HERC2: variants seen among roughly 807,000 people sequenced by gnomAD.
HERC2 encodes E3 ubiquitin-protein ligase HERC2.
HERC2 carries 102 observed loss-of-function variants against 537.7 expected under a neutral mutation model. The observed-to-expected ratio is 0.19, with a 90% CI of 0.16 to 0.22. HERC2 has a LOEUF of 0.22. HERC2 is among the 10% of genes least tolerant of loss of function. The pLI is 1.00. For missense variants in HERC2, 4,236 were observed against 6,198.2 expected, an observed-to-expected ratio of 0.68 and a Z score of 10.63; for synonymous variants, 2,224 against 2,466.2, an observed-to-expected ratio of 0.90 and a Z score of 2.91.
chr15:28,141,886 T>C (rs1223557609), intron 76 of HERC2, 40 bp from the exon 77 acceptor site: 2 of 1,424,604 alleles, frequency 1.4e-6, no homozygotes, highest in Admixed American at 1.7e-5. Flanking sequence ...CAAACACTTA[T>C]CTCAAACAAA....
chr15:28,194,763 T>C (rs1897192541), intron 52 of HERC2, among the ~76,000 whole-genome samples: 1 of 152,162 alleles, frequency 6.6e-6, no homozygotes, highest in African/African-American at 2.4e-5. Context: ...ATATAAAATG[T>C]ATAAAATTTT....
At position 28,113,292 on chromosome 15, in the gene HERC2, G is replaced by A. The variant is rs1469565688; in HGVS notation, c.14020-9C>T. 4 of 1,613,648 alleles carry A rather than the reference G, an allele frequency of 2.5e-6. No homozygotes were observed. The highest frequency in any genetic ancestry group is 3.4e-6 in the Non-Finnish European group (4 of 1,179,668). On this transcript the variant is annotated splice_polypyrimidine_tract_variant and intron_variant, in intron 91 of 92. Coordinates refer to ENST00000261609, the MANE Select transcript of HERC2 (RefSeq NM_004667.6). This position sits in a 1 kb window ranked among gnomAD's most constrained non-coding sequence, Gnocchi z 7.0. ...TCAGGGCTGCCACACACCTGCGGGA[G>A]GATGTCTGTCAGGGCCGCGTGATGC...
At chr15:28,179,941 T>C (rs1015601571) in intron 57 of HERC2, among the ~76,000 whole-genome samples, 5 of 152,246 alleles carry the variant, frequency 3.3e-5, no homozygotes, top group African/African-American at 1.2e-4. Context: ...GAAAAGTTCA[T>C]AAAGTTACAA....
intron 35 of HERC2, among the ~76,000 whole-genome samples, chr15:28,225,965 C>T (rs999436232): frequency 1.1e-4 from 16 of 152,116 alleles, no homozygotes; most frequent in Admixed American, 9.2e-4. Context: ...AATCTTTCAA[C>T]AAAGAAAAGC....
intron 78 of HERC2, among the ~76,000 whole-genome samples, chr15:28,139,571 A>G (rs556901715): frequency 3.3e-5 from 5 of 152,346 alleles, no homozygotes; most frequent in African/African-American, 1.2e-4. Context: ...CAGAGAAACT[A>G]TGAAATAATA....
At chr15:28,315,274 A>G (rs374966794) in intron 2 of HERC2, among the ~76,000 whole-genome samples, 275 of 152,262 alleles carry the variant, frequency 1.8e-3, no homozygotes, top group African/African-American at 6.4e-3. Flanking sequence ...TCACACCCAC[A>G]CTCGCCACAC....
intron 69 of HERC2, among the ~76,000 whole-genome samples, chr15:28,159,235 G>C (rs1287090480): frequency 3.9e-5 from 6 of 152,124 alleles, no homozygotes; most frequent in Non-Finnish European, 8.8e-5. Context: ...TCTTCTCGAG[G>C]AGTATCTTTG....
At chr15:28,173,271 A>G (rs891682792) in intron 65 of HERC2, among the ~76,000 whole-genome samples, 5 of 152,204 alleles carry the variant, frequency 3.3e-5, no homozygotes, top group African/African-American at 9.6e-5. Context: ...CTTGTATGGA[A>G]ATGTCCATTA....
chr15:28,195,570 A>G (rs1280870378), intron 52 of HERC2, among the ~76,000 whole-genome samples: 1 of 152,178 alleles, frequency 6.6e-6, no homozygotes, highest in African/African-American at 2.4e-5. Context: ...ACATTACGCT[A>G]AACACAAAAG....
chr15:28,136,425 G>A (rs545756880), intron 78 of HERC2, among the ~76,000 whole-genome samples: 2 of 152,234 alleles, frequency 1.3e-5, no homozygotes, highest in Non-Finnish European at 2.9e-5. Context: ...CTGGCGGGGA[G>A]GGTGTGAGGC....
At chr15:28,261,107 G>T in intron 15 of HERC2, 137 bp from the exon 16 acceptor site, 1 of 641,452 alleles carries the variant, frequency 1.6e-6, no homozygotes, top group Non-Finnish European at 2.6e-6. Context: ...TTAATATTAA[G>T]CACAATTCAT....
At chr15:28,241,425 A>C (rs8027911) in intron 23 of HERC2, among the ~76,000 whole-genome samples, 1 of 152,130 alleles carries the variant, frequency 6.6e-6, no homozygotes. Context: ...GGAACATAAA[A>C]TGGTGCAGCC....
Position 28,265,468 on chromosome 15 carries a change from G to A in HERC2, c.1870+150C>T, listed in dbSNP as rs1037146655. The A allele has an allele frequency of 1.6e-6, 1 of 633,116 alleles. No individual in the cohort carries two copies. The highest frequency in any genetic ancestry group is 1.8e-5 in the African/African-American group (1 of 54,682). The allele number at this position is 633,116 out of a possible 1,614,324, so 39.2% of individuals were successfully genotyped here. On this transcript the variant is annotated intron_variant, in intron 14 of 92. Transcript: ENST00000261609. This position sits in a 1 kb window ranked among gnomAD's most constrained non-coding sequence, Gnocchi z 4.0. The stretch of plus-strand genomic sequence containing the variant: ...GGCAAACAAGCCCAGTAACCACCCG[G>A]GCCTCTTCCCCAATGCCACTGAGCC...
intron 83 of HERC2, among the ~76,000 whole-genome samples, chr15:28,127,098 C>T (rs190555977): frequency 2.6e-5 from 4 of 152,300 alleles, no homozygotes; most frequent in East Asian, 3.9e-4. Context: ...AGAGACTCCT[C>T]GGGTGTCTGG....
At position 28,248,709 on chromosome 15, in the gene HERC2, T is replaced by C. The variant is rs766965296; in HGVS notation, c.3078A>G (p.Arg1026=). Residue 1026 remains arginine, a synonymous_variant, in exon 21 of 93, where the codon AGA becomes AGG. Transcript: ENST00000261609. ...LRNIASQTVA[R]LKDVARRISS... ...AAATCCGACGGGCAACATCTTTCAA[T>C]CTGGCTACAGTCTGAGAAGCAATGT... 1.9e-6 allele frequency: 3 copies of C among 1,613,948 alleles called. No individual in the cohort carries two copies. The highest frequency in any genetic ancestry group is 2.5e-6 in the Non-Finnish European group (3 of 1,179,944).
intron 23 of HERC2, among the ~76,000 whole-genome samples, chr15:28,240,480 AGAGAAGTAT>A (rs1415123541): frequency 6.6e-6 from 1 of 152,216 alleles, no homozygotes; most frequent in Admixed American, 6.5e-5. Flanking sequence ...TCAAAAATAC[AGAGAAGTAT>A]GAGAGGGGAA....
At chr15:28,162,046 A>C (rs1384548766) in intron 69 of HERC2, among the ~76,000 whole-genome samples, 4 of 152,240 alleles carry the variant, frequency 2.6e-5, no homozygotes, top group African/African-American at 7.2e-5. Flanking sequence ...AATTAGAAGA[A>C]GGCCGGGCAT....
Position 28,176,778 on chromosome 15 carries a change from T to C in HERC2, c.9433-10A>G, listed in dbSNP as rs756400328. 8 of 1,612,558 alleles carry C rather than the reference T, an allele frequency of 5.0e-6. No homozygotes were observed. In the South Asian group the frequency reaches 7.7e-5, roughly 15 times the overall value. On this transcript the variant is annotated splice_polypyrimidine_tract_variant and intron_variant, in intron 61 of 92. Transcript: ENST00000261609. The surrounding 1 kb of genome is among the most constrained non-coding windows in gnomAD (Gnocchi z 5.0). The stretch of plus-strand genomic sequence containing the variant: ...CGAGAAGGACTTTCACCTACTCAAT[T>C]ACAAATTTAAAAACAGAATCACGCA...
chr15:28,268,694 T>C lies in HERC2; in HGVS notation c.1447-78A>G. ...ACCAGCTCAGCTCTCCGTTATCATGTATCCCCAAGCAAAGCCTGCTGTAAC... is the reference window on the plus strand; with the variant it reads ...ACCAGCTCAGCTCTCCGTTATCATGCATCCCCAAGCAAAGCCTGCTGTAAC... On this transcript the variant is annotated intron_variant, in intron 11 of 92. Transcript: ENST00000261609. This position sits in a 1 kb window ranked among gnomAD's most constrained non-coding sequence, Gnocchi z 4.7. The C allele has an allele frequency of 8.0e-7, 1 of 1,251,732 alleles. No homozygotes were observed. Among genetic ancestry groups the C allele is most frequent in the Non-Finnish European group, 1.1e-6 (1 of 887,898 alleles). The allele number at this position is 1,251,732 out of a possible 1,614,324, so 77.5% of individuals were successfully genotyped here.
Sources: allele counts gnomAD v4.1 joint callset (sites outside exome capture counted in the v4.1 genomes callset), GRCh38; gene constraint gnomAD v4.1.1; non-coding constraint Gnocchi (gnomAD v3.1); transcripts MANE v1.5; gene names NCBI Gene and HGNC (gene_info 2026-07-23, HGNC 2026-07-21).